Variants in ITSN1 observed in about 807,000 individuals in gnomAD.
ITSN1 encodes intersectin-1.
A neutral mutation model predicts 239.8 loss-of-function variants in ITSN1; 58 were observed. The ratio of observed to expected loss-of-function variants is 0.24; its 90% CI spans 0.20 to 0.30. The LOEUF (loss-of-function observed/expected upper bound fraction) is 0.30, where lower values mean the gene tolerates loss of function less well. Ranked by LOEUF, ITSN1 falls within the 10% of genes least tolerant of loss-of-function variation. ITSN1 has a pLI of 1.00. For missense variants in ITSN1, 1,558 were observed against 2,103.3 expected (o/e 0.74, Z 5.07); for synonymous variants, 780 against 770.8 (o/e 1.01, Z -0.20).
At chr21:33,682,298 C>T (rs2091008352) in intron 1 of ITSN1, among the ~76,000 whole-genome samples, 1 of 151,270 alleles carries the variant, frequency 6.6e-6, no homozygotes, top group Non-Finnish European at 1.5e-5. Flanking sequence ...TCACCGCAAC[C>T]TCTGCCTCCC....
At chr21:33,676,779 T>C (rs2090619262) in intron 1 of ITSN1, among the ~76,000 whole-genome samples, 1 of 152,118 alleles carries the variant, frequency 6.6e-6, no homozygotes, top group African/African-American at 2.4e-5. Flanking sequence ...TGCCATGGTT[T>C]TCTGTCCTTG....
At chr21:33,690,815 G>A (rs13047494) in intron 1 of ITSN1, among the ~76,000 whole-genome samples, 4,474 of 10,290 alleles carry the variant, frequency 0.43, 1,044 homozygotes, top group Non-Finnish European at 0.53. Flanking sequence ...ATATATATAT[G>A]TATATATATA....
intron 4 of ITSN1, among the ~76,000 whole-genome samples, chr21:33,723,362 C>A (rs1382422716): frequency 6.6e-6 from 1 of 152,164 alleles, no homozygotes; most frequent in East Asian, 1.9e-4. Context: ...TGCCTGTAAT[C>A]CCAGCACTTT....
At chr21:33,832,335 C>T (rs1047186438) in intron 27 of ITSN1, among the ~76,000 whole-genome samples, 1 of 152,228 alleles carries the variant, frequency 6.6e-6, no homozygotes, top group African/African-American at 2.4e-5. Flanking sequence ...CGGCACCACT[C>T]TTTAGTATTT....
intron 1 of ITSN1, among the ~76,000 whole-genome samples, chr21:33,664,869 C>G (rs1198692685): frequency 6.6e-6 from 1 of 152,026 alleles, no homozygotes; most frequent in Non-Finnish European, 1.5e-5. Flanking sequence ...GTTGCTCTTT[C>G]CATCATCTGG....
At chr21:33,724,144 A>G (rs527396982) in intron 4 of ITSN1, among the ~76,000 whole-genome samples, 2 of 152,092 alleles carry the variant, frequency 1.3e-5, no homozygotes, top group Non-Finnish European at 2.9e-5. Flanking sequence ...TTGAAACGAA[A>G]TGATACCAGA....
At chr21:33,802,851 C>T (rs967750536) in intron 20 of ITSN1, among the ~76,000 whole-genome samples, 1 of 152,068 alleles carries the variant, frequency 6.6e-6, no homozygotes, top group African/African-American at 2.4e-5. Context: ...AACCAGAAGT[C>T]GTTAAGAGGC....
chr21:33,805,509 A>T (rs1369292012), intron 20 of ITSN1, among the ~76,000 whole-genome samples: 2 of 152,182 alleles, frequency 1.3e-5, no homozygotes, highest in African/African-American at 4.8e-5. Context: ...GGGTTGGCTC[A>T]AATCTGGCCC....
chr21:33,869,881 ATATATT>A (rs1982413800), intron 33 of ITSN1, among the ~76,000 whole-genome samples: 2 of 152,096 alleles, frequency 1.3e-5, no homozygotes, highest in East Asian at 1.9e-4. Context: ...GTATATACAC[ATATATT>A]TATATTTATT....
chr21:33,710,366 G>C (rs935213310), intron 1 of ITSN1, among the ~76,000 whole-genome samples: 2 of 151,804 alleles, frequency 1.3e-5, no homozygotes, highest in Non-Finnish European at 2.9e-5. Context: ...CACCACACCC[G>C]GCCTGGTTTT....
At chr21:33,815,764 G>A (rs905522404) in intron 22 of ITSN1, among the ~76,000 whole-genome samples, 7 of 152,256 alleles carry the variant, frequency 4.6e-5, no homozygotes, top group African/African-American at 1.7e-4. Context: ...GAAGAGATTG[G>A]AGAAGATAAA....
intron 7 of ITSN1, among the ~76,000 whole-genome samples, chr21:33,753,392 C>T (rs572534969): frequency 4.6e-5 from 7 of 152,238 alleles, no homozygotes; most frequent in African/African-American, 1.7e-4. Flanking sequence ...CTAGTCCTCA[C>T]CCATAGTTTA....
chr21:33,740,930 G>A (rs1011849557), intron 5 of ITSN1, among the ~76,000 whole-genome samples: 5 of 152,162 alleles, frequency 3.3e-5, no homozygotes, highest in African/African-American at 1.2e-4. Flanking sequence ...TAGATAGATA[G>A]ATAGCTAATA....
intron 5 of ITSN1, among the ~76,000 whole-genome samples, chr21:33,736,135 T>C (rs1226914294): frequency 2.6e-5 from 4 of 152,244 alleles, no homozygotes; most frequent in African/African-American, 9.6e-5. Flanking sequence ...AAGATCACAG[T>C]AATAAAATCT....
At chr21:33,762,944 G>T (rs557951017) in intron 9 of ITSN1, among the ~76,000 whole-genome samples, 1 of 152,216 alleles carries the variant, frequency 6.6e-6, no homozygotes, top group Admixed American at 6.5e-5. Context: ...GATTCCGGGG[G>T]TGAGCACTGC....
chr21:33,827,772 G>A (rs928268445), intron 26 of ITSN1, among the ~76,000 whole-genome samples: 12 of 152,208 alleles, frequency 7.9e-5, no homozygotes, highest in Admixed American at 5.2e-4. Flanking sequence ...CGGTTTCTGT[G>A]GCACGTCTTC....
In ITSN1 at chr21:33,774,774, C is replaced by T. The variant is rs757736852; in HGVS notation, c.1351C>T (p.Arg451Trp). ...AAGGCAACGACAACTTGAGTGGGAA[C>T]GGAATCGAAGGCAAGAACTACTAAA... ...LERQRQLEWERNRRQELLNQR... is the reference protein window; with the variant it reads ...LERQRQLEWEWNRRQELLNQR... The change falls in exon 13 of 40, where the codon CGG becomes TGG. Residue 451 changes from arginine to tryptophan, a missense_variant. This residue lies in a region of ITSN1 where 982 missense variants were observed against 1,209.9 expected (regional missense o/e 0.81). Coordinates refer to ENST00000381318, the MANE Select transcript of ITSN1 (RefSeq NM_003024.3). 9.3e-6 allele frequency: 15 copies of T among 1,613,636 alleles called. No individual in the cohort carries two copies. Among genetic ancestry groups the T allele is most frequent in the Non-Finnish European group, 1.2e-5 (14 of 1,179,906 alleles).
At chr21:33,852,648 G>A (rs1978540918) in intron 29 of ITSN1, among the ~76,000 whole-genome samples, 1 of 152,202 alleles carries the variant, frequency 6.6e-6, no homozygotes, top group South Asian at 2.1e-4. Flanking sequence ...CTAAGGGACG[G>A]CACACAGATT....
chr21:33,690,847 TAA>T (rs755469647), intron 1 of ITSN1, among the ~76,000 whole-genome samples: 55 of 49,410 alleles, frequency 1.1e-3, no homozygotes, highest in African/African-American at 3.4e-3. Flanking sequence ...ATGTAAAAGT[TAA>T]AAAAAAAAAA....
Sources: gnomAD v4.1 joint callset for allele counts (sites outside exome capture counted in the v4.1 genomes callset) on GRCh38, gnomAD v4.1.1 for gene constraint, gnomAD v4.1.1 regional missense constraint, MANE v1.5 for transcripts, NCBI Gene and HGNC (gene_info 2026-07-23, HGNC 2026-07-21) for gene names.